Variants in SPTBN1 observed in about 807,000 individuals in gnomAD.
The protein encoded by SPTBN1 is spectrin beta chain, non-erythrocytic 1.
In SPTBN1, 32 loss-of-function variants were observed where a neutral mutation model predicts 266.4. That is an observed-to-expected ratio of 0.12 (90% CI 0.09 to 0.16). SPTBN1 has a LOEUF of 0.16. Ranked by LOEUF, SPTBN1 falls within the 10% of genes least tolerant of loss-of-function variation. The pLI, the probability that SPTBN1 is intolerant of heterozygous loss-of-function variation, is 1.00. For synonymous variants in SPTBN1, 1,336 were observed against 1,162.2 expected (o/e 1.15, Z -3.04); for missense variants, 2,296 against 3,067.1 (o/e 0.75, Z 5.94).
In SPTBN1 at chr2:54,654,691, C is replaced by T. The variant is rs186217540; in HGVS notation, c.5823-379C>T. ...CTTTGACAGCTAACTCATCAAGGTG[C>T]GATTGCGGCACCTCTTGCTGCTTCT... On this transcript the variant is annotated intron_variant, in intron 27 of 35. Transcript: ENST00000356805. Among the ~76,000 whole-genome samples, 12 of 152,274 alleles carry T rather than the reference C, an allele frequency of 7.9e-5. 1 individual carries two copies. The highest frequency in any genetic ancestry group is 1.9e-4 in the African/African-American group (8 of 41,564).
At chr2:54,656,129 G>A (rs563824715) in intron 29 of SPTBN1, 131 bp downstream of exon 29, 82 of 688,626 alleles carry the variant, frequency 1.2e-4, no homozygotes, top group African/African-American at 7.2e-4. Flanking sequence ...TTAGTGCCCC[G>A]TTTCACCATT....
intron 2 of SPTBN1, among the ~76,000 whole-genome samples, chr2:54,550,550 T>C (rs937465335): frequency 6.6e-6 from 1 of 152,214 alleles, no homozygotes; most frequent in African/African-American, 2.4e-5. Flanking sequence ...AGCAGGGATT[T>C]GGTTAGAAGC....
chr2:54,601,691 C>T (rs1046184400), intron 3 of SPTBN1, among the ~76,000 whole-genome samples: 10 of 152,212 alleles, frequency 6.6e-5, no homozygotes, highest in African/African-American at 1.4e-4. Flanking sequence ...ATTTTAGCCC[C>T]AGCACTTAAC....
chr2:54,522,653 A>AGAGAAG (rs1171915622), intron 1 of SPTBN1, among the ~76,000 whole-genome samples: 1 of 42,168 alleles, frequency 2.4e-5, no homozygotes, highest in Non-Finnish European at 4.2e-5. Context: ...AGAAAGAGAG[A>AGAGAAG]GAGAAAGAGA....
chr2:54,666,522 C>T (rs1250033969), intron 34 of SPTBN1, among the ~76,000 whole-genome samples: 1 of 152,160 alleles, frequency 6.6e-6, no homozygotes, highest in Non-Finnish European at 1.5e-5. Context: ...TGGATGGAGA[C>T]AAACAGGAAA....
intron 27 of SPTBN1, 96 bp from the exon 28 acceptor site, chr2:54,654,974 C>T (rs1017583899): frequency 3.5e-6 from 3 of 864,616 alleles, no homozygotes; most frequent in Non-Finnish European, 4.9e-6. Context: ...TCTTTCAAGG[C>T]CATCAGTTTC....
intron 2 of SPTBN1, among the ~76,000 whole-genome samples, chr2:54,543,158 A>C (rs1242692782): frequency 6.6e-6 from 1 of 152,184 alleles, no homozygotes; most frequent in African/African-American, 2.4e-5. Context: ...CTGGAGTCCC[A>C]CATGAGGTCC....
chr2:54,507,881 TAAAG>T, intron 1 of SPTBN1, among the ~76,000 whole-genome samples: 1 of 151,998 alleles, frequency 6.6e-6, no homozygotes, highest in East Asian at 1.9e-4. Context: ...AATTGTTTGT[TAAAG>T]AAGGATTAGA....
Position 54,624,878 on chromosome 2 carries a change from A to G in SPTBN1, c.1257A>G (p.Lys419=), listed in dbSNP as rs1283267743. ...GGAATGAGCTCATAAGACAGGAGAA[A>G]CTGGAACAGCTCGCCCGCAGATTTG... is the stretch of plus-strand genomic sequence containing the variant. ...ALRNELIRQE[K]LEQLARRFDR... is the part of the protein sequence containing the mutation. Residue 419 remains lysine (K), a synonymous_variant, in exon 11 of 36, where the codon AAA becomes AAG. Transcript: ENST00000356805. 1.2e-6 allele frequency: 2 copies of G among 1,614,212 alleles called. No homozygotes were observed. Among genetic ancestry groups the G allele is most frequent in the Non-Finnish European group, 8.5e-7 (1 of 1,180,040 alleles).
chr2:54,629,276 G>A lies in SPTBN1; in HGVS notation c.2142G>A (p.Lys714=), dbSNP rs767562439. ...CGGAGGAGCACTTCGGGTCGGAGAAGATCCGTGAGAGGATCATTTACATCC... is the reference window on the plus strand; with the variant it reads ...CGGAGGAGCACTTCGGGTCGGAGAAAATCCGTGAGAGGATCATTTACATCC... ...MIAEEHFGSE[K]IRERIIYIRE... is the part of the protein sequence containing the mutation. The change falls in exon 14 of 36, where the codon AAG becomes AAA. Residue 714 remains lysine (K), a synonymous_variant. Coordinates refer to ENST00000356805, the MANE Select transcript of SPTBN1 (RefSeq NM_003128.3). The A allele has an allele frequency of 2.8e-5, 45 of 1,613,974 alleles. No homozygotes were observed. Among genetic ancestry groups the A allele is most frequent in the Non-Finnish European group, 3.8e-5 (45 of 1,180,058 alleles).
intron 3 of SPTBN1, among the ~76,000 whole-genome samples, chr2:54,600,999 A>G (rs1676464348): frequency 1.3e-5 from 2 of 152,022 alleles, no homozygotes; most frequent in African/African-American, 4.8e-5. Context: ...CAGGGCAAGA[A>G]AAATATAAGT....
chr2:54,664,776 G>GT lies in SPTBN1; in HGVS notation c.6659+86dup, dbSNP rs1681269404. 11 of 1,353,704 alleles carry GT rather than the reference G, an allele frequency of 8.1e-6. No individual in the cohort carries two copies. The South Asian group carries it at 1.4e-4, about 17-fold the overall frequency. 83.9% of individuals were successfully genotyped at this position (1,353,704 alleles called of 1,614,324 possible). On this transcript the variant is annotated intron_variant, in intron 33 of 35. Transcript: ENST00000356805. This position sits in a 1 kb window ranked among gnomAD's most constrained non-coding sequence, Gnocchi z 5.6. The stretch of plus-strand genomic sequence containing the variant: ...GGGCCACTCTTGAATTGGAAGAGAA[G>GT]TATGTGCTCATGTAGTTTTATTCCT...
In SPTBN1 at chr2:54,653,870, A is replaced by T. The variant is rs1171281581; in HGVS notation, c.5822+17A>T. On this transcript the variant is annotated intron_variant, in intron 27 of 35. Coordinates refer to ENST00000356805, the MANE Select transcript of SPTBN1 (RefSeq NM_003128.3). This position sits in a 1 kb window ranked among gnomAD's most constrained non-coding sequence, Gnocchi z 5.1. ...GAAGCCAAGGTAACGCTTTCAGCCCAAAGGAAATTGGACTTATTGGCGCTT... is the reference window on the plus strand; with the variant it reads ...GAAGCCAAGGTAACGCTTTCAGCCCTAAGGAAATTGGACTTATTGGCGCTT... The T allele has an allele frequency of 6.2e-7, 1 of 1,600,708 alleles. No individual in the cohort carries two copies. The highest frequency in any genetic ancestry group is 2.2e-5 in the East Asian group (1 of 44,852).
At chr2:54,607,021 T>C (rs546868749) in intron 3 of SPTBN1, among the ~76,000 whole-genome samples, 1 of 152,370 alleles carries the variant, frequency 6.6e-6, no homozygotes, top group Non-Finnish European at 1.5e-5. Context: ...ATTTCCCACA[T>C]AACCGAATTA....
intron 1 of SPTBN1, among the ~76,000 whole-genome samples, chr2:54,481,276 A>G (rs1278992089): frequency 6.6e-6 from 1 of 152,070 alleles, no homozygotes; most frequent in East Asian, 1.9e-4. Context: ...TGCTGCCCAG[A>G]AAGTGCTGGT....
At chr2:54,631,742 T>G (rs1678746019) in intron 16 of SPTBN1, 131 bp downstream of exon 16, 5 of 1,248,144 alleles carry the variant, frequency 4.0e-6, no homozygotes. Flanking sequence ...GAGACTGATT[T>G]TTTTTTCCCC....
intron 2 of SPTBN1, among the ~76,000 whole-genome samples, chr2:54,544,308 G>C (rs1484045305): frequency 6.6e-6 from 1 of 152,136 alleles, no homozygotes; most frequent in Non-Finnish European, 1.5e-5. Context: ...CTTCACATAA[G>C]TATTTGTAGG....
chr2:54,669,878 T>C lies in SPTBN1; in HGVS notation c.*1309T>C, dbSNP rs1379720187. 1 of 152,252 alleles carries C rather than the reference T, an allele frequency of 6.6e-6. No homozygotes were observed. Among genetic ancestry groups the C allele is most frequent in the East Asian group, 1.9e-4 (1 of 5,202 alleles). The allele number at this position is 152,252 out of a possible 1,614,324, so 9.4% of individuals were successfully genotyped here. On this transcript the variant is annotated 3_prime_UTR_variant, in exon 36 of 36. Coordinates refer to ENST00000356805, the MANE Select transcript of SPTBN1 (RefSeq NM_003128.3). The stretch of plus-strand genomic sequence containing the variant: ...CTGTTTTGTAGTTATACATTCAGGC[T>C]TTATCTTTTATTTATGAAAAAGTTA...
At chr2:54,650,793 G>T (rs1680229183) in intron 26 of SPTBN1, among the ~76,000 whole-genome samples, 1 of 152,248 alleles carries the variant, frequency 6.6e-6, no homozygotes, top group Admixed American at 6.5e-5. Context: ...ACAGTGAGAA[G>T]ATGAATGAGC....
Sources: gnomAD v4.1 joint callset for allele counts (sites outside exome capture counted in the v4.1 genomes callset) on GRCh38, gnomAD v4.1.1 for gene constraint, Gnocchi (gnomAD v3.1) non-coding constraint, MANE v1.5 for transcripts, NCBI Gene and HGNC (gene_info 2026-07-23, HGNC 2026-07-21) for gene names.